Variants in DPP10 observed in about 807,000 individuals in gnomAD.
DPP10 encodes the protein dipeptidyl peptidase like 10.
A neutral mutation model predicts 120.9 loss-of-function variants in DPP10; 33 were observed. The ratio of observed to expected loss-of-function variants is 0.27; its 90% CI spans 0.21 to 0.37. The LOEUF (loss-of-function observed/expected upper bound fraction) is 0.37, where lower values mean the gene tolerates loss of function less well. DPP10 is among the 10% of genes least tolerant of loss of function. The probability of loss-of-function intolerance (pLI) is 1.00; values close to 1 mark genes in which losing one functional copy is unlikely to be tolerated. For missense variants in DPP10, 816 were observed against 942.8 expected (o/e 0.87, Z 1.76); for synonymous variants, 337 against 326.1 (o/e 1.03, Z -0.36).
chr2:115,781,143 A>C (rs1259484087), intron 16 of DPP10, 148 bp downstream of exon 16: 1 of 506,156 alleles, frequency 2.0e-6, no homozygotes, highest in Non-Finnish European at 3.2e-6. Flanking sequence ...ATATAGACTT[A>C]CTGAGATACA....
intron 5 of DPP10, among the ~76,000 whole-genome samples, chr2:115,650,197 G>T (rs374766148): frequency 6.6e-6 from 1 of 152,022 alleles, no homozygotes; most frequent in Non-Finnish European, 1.5e-5. Context: ...CAATCGTCGA[G>T]GTGTATCTGC....
intron 1 of DPP10, among the ~76,000 whole-genome samples, chr2:115,005,964 A>T (rs1277091995): frequency 2.0e-5 from 3 of 152,190 alleles, no homozygotes; most frequent in Non-Finnish European, 4.4e-5. Flanking sequence ...GGGCAGCCAG[A>T]GAGAAAGGTC....
chr2:115,118,692 G>C (rs1031039284), intron 1 of DPP10, among the ~76,000 whole-genome samples: 4 of 151,868 alleles, frequency 2.6e-5, no homozygotes, highest in African/African-American at 9.7e-5. Flanking sequence ...CAATTCTCCT[G>C]CCTCAGTCTC....
At chr2:115,419,226 C>A (rs1353279633) in intron 3 of DPP10, among the ~76,000 whole-genome samples, 3 of 152,098 alleles carry the variant, frequency 2.0e-5, no homozygotes, top group African/African-American at 7.2e-5. Flanking sequence ...ATCTAAATAT[C>A]AAGAGAGGAA....
intron 1 of DPP10, among the ~76,000 whole-genome samples, chr2:114,508,669 C>T (rs1039537772): frequency 2.0e-5 from 3 of 151,990 alleles, no homozygotes; most frequent in African/African-American, 7.2e-5. Flanking sequence ...GTGTCTTCTC[C>T]TTGCCTCTAG....
At chr2:115,398,848 T>A (rs1018066500) in intron 3 of DPP10, among the ~76,000 whole-genome samples, 2 of 152,182 alleles carry the variant, frequency 1.3e-5, no homozygotes, top group Non-Finnish European at 1.5e-5. Context: ...GAGGTCTGTT[T>A]CCATGTCATC....
At chr2:115,044,733 C>T (rs1201522456) in intron 1 of DPP10, among the ~76,000 whole-genome samples, 3 of 152,138 alleles carry the variant, frequency 2.0e-5, no homozygotes, top group Non-Finnish European at 2.9e-5. Context: ...TTTAGGTACT[C>T]GTTAACCATT....
intron 7 of DPP10, among the ~76,000 whole-genome samples, chr2:115,703,603 G>T (rs1478089174): frequency 6.6e-6 from 1 of 151,946 alleles, no homozygotes; most frequent in African/African-American, 2.4e-5. Flanking sequence ...TTTTTGGGGG[G>T]AAACTTCATA....
chr2:115,342,490 A>G (rs2063499468), intron 2 of DPP10, among the ~76,000 whole-genome samples: 1 of 152,148 alleles, frequency 6.6e-6, no homozygotes, highest in Admixed American at 6.6e-5. Context: ...CTGGGATTAC[A>G]GGCATGCCCC....
chr2:115,235,488 A>G (rs1034467566), intron 1 of DPP10, among the ~76,000 whole-genome samples: 3 of 152,124 alleles, frequency 2.0e-5, no homozygotes, highest in Non-Finnish European at 4.4e-5. Context: ...TTTCAAAGCT[A>G]AGGTTGTGAT....
At chr2:115,341,801 TAATAACTC>T (rs1428485472) in intron 2 of DPP10, among the ~76,000 whole-genome samples, 1 of 151,966 alleles carries the variant, frequency 6.6e-6, no homozygotes, top group African/African-American at 2.4e-5. Flanking sequence ...TAGCACAGAA[TAATAACTC>T]ATTAAAAAAA....
chr2:115,192,998 G>A (rs1224454747), intron 1 of DPP10, among the ~76,000 whole-genome samples: 1 of 151,696 alleles, frequency 6.6e-6, no homozygotes, highest in Non-Finnish European at 1.5e-5. Context: ...ACCTTTTAAT[G>A]TAGGTATGAA....
chr2:115,798,030 T>A (rs971162377), intron 19 of DPP10, among the ~76,000 whole-genome samples: 1 of 151,762 alleles, frequency 6.6e-6, no homozygotes, highest in African/African-American at 2.4e-5. Context: ...TAACATAGGT[T>A]TTAGATATGC....
chr2:115,128,130 G>A (rs1462693552), intron 1 of DPP10, among the ~76,000 whole-genome samples: 1 of 152,086 alleles, frequency 6.6e-6, no homozygotes, highest in Non-Finnish European at 1.5e-5. Flanking sequence ...CAAAATGCAA[G>A]GGTCTTTATA....
chr2:114,952,998 T>C lies in DPP10; in HGVS notation c.61-356241T>C, dbSNP rs572714488. Among the ~76,000 whole-genome samples the C allele has an allele frequency of 5.3e-5, 8 of 151,950 alleles. No individual in the cohort carries two copies. In the East Asian group the frequency reaches 1.4e-3, roughly 26 times the overall value. ...GCTTGCTATTCTCTTTTGAGGCTTT[T>C]TTTTTTTCTGGATGTTGTTAATTTG... On this transcript the variant is annotated intron_variant, in intron 1 of 25. Coordinates refer to ENST00000410059, the MANE Select transcript of DPP10 (RefSeq NM_020868.6).
intron 1 of DPP10, among the ~76,000 whole-genome samples, chr2:114,676,928 T>G (rs1698709724): frequency 6.6e-6 from 1 of 152,110 alleles, no homozygotes; most frequent in Non-Finnish European, 1.5e-5. Context: ...CAGAGCACTT[T>G]AAACATCAAA....
intron 1 of DPP10, among the ~76,000 whole-genome samples, chr2:114,492,593 T>C (rs993112831): frequency 6.6e-6 from 1 of 152,182 alleles, no homozygotes; most frequent in Non-Finnish European, 1.5e-5. Flanking sequence ...TTCTGGAAAC[T>C]TCTGGGAGCA....
At chr2:115,203,739 C>T (rs2055912519) in intron 1 of DPP10, among the ~76,000 whole-genome samples, 3 of 151,986 alleles carry the variant, frequency 2.0e-5, no homozygotes, top group African/African-American at 7.3e-5. Flanking sequence ...CTATGATCTG[C>T]CTCAGCCTCA....
intron 19 of DPP10, among the ~76,000 whole-genome samples, chr2:115,802,824 A>T (rs1230094680): frequency 6.6e-6 from 1 of 152,136 alleles, no homozygotes; most frequent in Non-Finnish European, 1.5e-5. Flanking sequence ...GTTCTGTTAC[A>T]TTTGCTGAAG....
Sources: gnomAD v4.1 joint callset for allele counts (sites outside exome capture counted in the v4.1 genomes callset) on GRCh38, gnomAD v4.1.1 for gene constraint, MANE v1.5 for transcripts, NCBI Gene and HGNC (gene_info 2026-07-23, HGNC 2026-07-21) for gene names.